Variants in MMP16 observed in about 807,000 individuals in gnomAD.
MMP16 encodes the protein matrix metallopeptidase 16, also known as matrix metalloproteinase-16.
In MMP16, 12 loss-of-function variants were observed where a neutral mutation model predicts 67.8. The ratio of observed to expected loss-of-function variants is 0.18; its 90% CI spans 0.11 to 0.29. The LOEUF (loss-of-function observed/expected upper bound fraction) is 0.29, where lower values mean the gene tolerates loss of function less well. Among genes scored for constraint, MMP16 ranks in the 10% least tolerant of loss-of-function variants. The pLI, the probability that MMP16 is intolerant of heterozygous loss-of-function variation, is 1.00. For synonymous variants in MMP16, 249 were observed against 255.9 expected (o/e 0.97, Z 0.26); for missense variants, 475 against 765.7 (o/e 0.62, Z 4.48).
chr8:88,246,612 GA>G (rs1810116605), intron 1 of MMP16, among the ~76,000 whole-genome samples: 1 of 152,140 alleles, frequency 6.6e-6, no homozygotes, highest in Non-Finnish European at 1.5e-5. Flanking sequence ...AATGCTTACG[GA>G]AATGTGTGAA....
At chr8:88,051,653 C>T (rs540949009) in intron 8 of MMP16, among the ~76,000 whole-genome samples, 2 of 152,234 alleles carry the variant, frequency 1.3e-5, no homozygotes, top group South Asian at 4.1e-4. Context: ...ACTTTGTAAA[C>T]ATAACACTTA....
chr8:88,056,585 G>A (rs1458842857), intron 7 of MMP16, among the ~76,000 whole-genome samples: 1 of 152,036 alleles, frequency 6.6e-6, no homozygotes, highest in East Asian at 1.9e-4. Context: ...ACAATTCTGA[G>A]TCAAGGATGA....
At chr8:88,236,698 G>A (rs1042767775) in intron 1 of MMP16, among the ~76,000 whole-genome samples, 9 of 152,118 alleles carry the variant, frequency 5.9e-5, no homozygotes, top group Middle Eastern at 3.4e-3. Flanking sequence ...GCAGTGAGCC[G>A]AGATCGCACC....
At chr8:88,311,120 G>C (rs1811287729) in intron 1 of MMP16, among the ~76,000 whole-genome samples, 1 of 152,110 alleles carries the variant, frequency 6.6e-6, no homozygotes, top group African/African-American at 2.4e-5. Context: ...GGGATTACCT[G>C]GTGGGGGTGA....
chr8:88,322,084 A>G (rs980337329), intron 1 of MMP16, among the ~76,000 whole-genome samples: 1 of 152,196 alleles, frequency 6.6e-6, no homozygotes, highest in African/African-American at 2.4e-5. Context: ...AATCTGAGGT[A>G]TAACAGAGCT....
chr8:88,300,035 G>C (rs1586008193), intron 1 of MMP16, among the ~76,000 whole-genome samples: 1 of 151,958 alleles, frequency 6.6e-6, no homozygotes, highest in East Asian at 1.9e-4. Flanking sequence ...TTTCATGTGG[G>C]GAAATGCCAA....
chr8:88,198,169 G>GA (rs972562735), intron 1 of MMP16, among the ~76,000 whole-genome samples: 1 of 151,940 alleles, frequency 6.6e-6, no homozygotes, highest in Non-Finnish European at 1.5e-5. Flanking sequence ...AGGGCATTTG[G>GA]AAAAAAACAT....
At chr8:88,245,690 A>C in intron 1 of MMP16, among the ~76,000 whole-genome samples, 1 of 152,140 alleles carries the variant, frequency 6.6e-6, no homozygotes, top group East Asian at 1.9e-4. Flanking sequence ...TACAGGCCCA[A>C]GTGGCTGCAA....
rs1450279866 is a variant in MMP16, at chr8:88,116,600, G to A, written c.990C>T (p.Thr330=). ...TGGCTCCGGGATAGGAGGGTCTGCCGGTTGGAGGCCGAGGAGGTTTTGGCC... is the reference window on the plus strand; with the variant it reads ...TGGCTCCGGGATAGGAGGGTCTGCCAGTTGGAGGCCGAGGAGGTTTTGGCC... The part of the protein sequence containing the change: ...NDRPKPPRPP[T]GRPSYPGAKP... The change falls in exon 6 of 10, where the codon ACC becomes ACT. Residue 330 remains threonine, a synonymous_variant. Transcript: ENST00000286614. 5 of 1,613,824 alleles carry A rather than the reference G, an allele frequency of 3.1e-6. No individual in the cohort carries two copies. The highest frequency in any genetic ancestry group is 2.7e-5 in the African/African-American group (2 of 75,010).
At chr8:88,290,342 G>A (rs1810907035) in intron 1 of MMP16, among the ~76,000 whole-genome samples, 1 of 152,042 alleles carries the variant, frequency 6.6e-6, no homozygotes. Flanking sequence ...CACGAGATCA[G>A]GAGGTCGAGG....
At chr8:88,223,697 G>C (rs9774629) in intron 1 of MMP16, among the ~76,000 whole-genome samples, 120 of 103,558 alleles carry the variant, frequency 1.2e-3, no homozygotes, top group Admixed American at 1.8e-3. Context: ...GTCATGGGGT[G>C]GGGGGAGGGG....
intron 1 of MMP16, among the ~76,000 whole-genome samples, chr8:88,223,432 T>G (rs1052472647): frequency 2.6e-5 from 4 of 151,964 alleles, no homozygotes; most frequent in Non-Finnish European, 5.9e-5. Flanking sequence ...AGCAAAGACT[T>G]GGAACCAACC....
chr8:88,097,973 C>T (rs1012796204), intron 6 of MMP16, among the ~76,000 whole-genome samples: 5 of 151,808 alleles, frequency 3.3e-5, no homozygotes, highest in Non-Finnish European at 5.9e-5. Context: ...ACACCAACGG[C>T]GAGGAGTCAG....
intron 1 of MMP16, among the ~76,000 whole-genome samples, chr8:88,325,617 AC>A (rs1231110474): frequency 6.6e-6 from 1 of 152,218 alleles, no homozygotes; most frequent in African/African-American, 2.4e-5. Flanking sequence ...CATCTGTGGC[AC>A]GTAATTCCAA....
chr8:88,284,731 T>C (rs1563583897), intron 1 of MMP16, among the ~76,000 whole-genome samples: 1 of 152,166 alleles, frequency 6.6e-6, no homozygotes, highest in African/African-American at 2.4e-5. Context: ...TTTGCATCAC[T>C]GCTTCCTAAA....
chr8:88,194,149 G>T (rs1809214207), intron 2 of MMP16, among the ~76,000 whole-genome samples: 1 of 151,458 alleles, frequency 6.6e-6, no homozygotes, highest in South Asian at 2.1e-4. Context: ...CATAATATAG[G>T]GATTACTGCA....
chr8:88,319,491 G>T (rs1331208393), intron 1 of MMP16, among the ~76,000 whole-genome samples: 1 of 151,720 alleles, frequency 6.6e-6, no homozygotes, highest in Non-Finnish European at 1.5e-5. Flanking sequence ...ACTGTTGAGA[G>T]TAAAGAAGGA....
At chr8:88,135,658 C>T (rs1808106249) in intron 4 of MMP16, among the ~76,000 whole-genome samples, 1 of 151,780 alleles carries the variant, frequency 6.6e-6, no homozygotes, top group South Asian at 2.1e-4. Flanking sequence ...ATCGACGTAA[C>T]CATGTTATTG....
intron 1 of MMP16, among the ~76,000 whole-genome samples, chr8:88,325,988 T>A (rs991171012): frequency 2.0e-5 from 3 of 152,216 alleles, no homozygotes; most frequent in African/African-American, 7.2e-5. Flanking sequence ...GTCTTGCTAT[T>A]GTGTAAACAC....
Sources: allele counts gnomAD v4.1 joint callset (sites outside exome capture counted in the v4.1 genomes callset), GRCh38; gene constraint gnomAD v4.1.1; transcripts MANE v1.5; gene names NCBI Gene and HGNC (gene_info 2026-07-23, HGNC 2026-07-21).